The following NEDD8 variants were observed in gnomAD, a reference collection of about 807,000 sequenced individuals.
NEDD8 encodes the protein NEDD8 ubiquitin like modifier.
NEDD8 carries 1 observed loss-of-function variant against 13.8 expected under a neutral mutation model. The ratio of observed to expected loss-of-function variants is 0.07; its 90% confidence interval spans 0.03 to 0.34. The LOEUF (loss-of-function observed/expected upper bound fraction) is 0.34. NEDD8 is among the 10% of genes least tolerant of loss of function. The pLI, the probability that NEDD8 is intolerant of heterozygous loss-of-function variation, is 0.99. For missense variants in NEDD8, 10 were observed against 95.2 expected (o/e 0.10, Z 3.73); for synonymous variants, 31 against 33.2 (o/e 0.93, Z 0.23).
Position 24,216,862 on chromosome 14 carries a change from G to A in NEDD8, c.*265C>T, listed in dbSNP as rs1474732666. ...CTTGTGCAACAGAAGAAAGATTCCA[G>A]GAGGCCAGGAAATATTTTATTGACA... On this transcript the variant is annotated 3_prime_UTR_variant, in exon 4 of 4. Transcript: ENST00000250495. 7.3e-6 allele frequency: 3 copies of A among 411,750 alleles called. No individual in the cohort carries two copies. The highest frequency in any genetic ancestry group is 1.3e-5 in the Non-Finnish European group (3 of 226,434). 25.5% of individuals were successfully genotyped at this position (411,750 alleles called of 1,614,324 possible). A position where few individuals can be genotyped will look rare whatever the true frequency, so the allele number is the denominator to read the frequency against.
At chr14:24,225,559 T>C (rs1295008388) in intron 1 of NEDD8, among the ~76,000 whole-genome samples, 1 of 152,234 alleles carries the variant, frequency 6.6e-6, no homozygotes, top group African/African-American at 2.4e-5. Flanking sequence ...TTAAATTAAA[T>C]AAGATTGGCT....
rs1278220694 is a variant in NEDD8 at position 24,217,351 on chromosome 14, A to T, written c.150-128T>A. ...GTCATCTAGGCTGGAGTACAGTGGC[A>T]CGATCTCAGCTCACTGCAACTTCCA... On this transcript the variant is annotated intron_variant, in intron 3 of 3. Transcript: ENST00000250495. 7 of 723,288 alleles carry T rather than the reference A, an allele frequency of 9.7e-6. No homozygotes were observed. In the East Asian group the frequency reaches 1.7e-4, roughly 17 times the overall value. 44.8% of individuals were successfully genotyped at this position (723,288 alleles called of 1,614,324 possible).
intron 1 of NEDD8, among the ~76,000 whole-genome samples, chr14:24,223,085 CAAAAAA>C (rs71426836): frequency 0.021 from 1,552 of 75,618 alleles, 26 homozygotes; most frequent in African/African-American, 0.069. Context: ...GACTGCATTT[CAAAAAA>C]AAAAAAAAAA....
chr14:24,220,731 T>C (rs189590838), intron 1 of NEDD8, among the ~76,000 whole-genome samples: 237 of 152,270 alleles, frequency 1.6e-3, no homozygotes, highest in Non-Finnish European at 1.1e-3. Flanking sequence ...ATTTTATAGA[T>C]GAGAAAAATA....
intron 1 of NEDD8, among the ~76,000 whole-genome samples, chr14:24,226,039 C>CAA (rs1228074409): frequency 5.7e-5 from 6 of 105,864 alleles, no homozygotes; most frequent in East Asian, 2.5e-4. Context: ...ACTCCATCTC[C>CAA]AAAAAAAAAA....
At chr14:24,226,400 C>A (rs576240476) in intron 1 of NEDD8, among the ~76,000 whole-genome samples, 8 of 146,402 alleles carry the variant, frequency 5.5e-5, no homozygotes, top group African/African-American at 2.0e-4. Flanking sequence ...GAGCCGAGAT[C>A]GTGCCACCGC....
intron 1 of NEDD8, chr14:24,226,688 T>C (rs1204124137): frequency 6.6e-6 from 1 of 152,150 alleles, no homozygotes; most frequent in African/African-American, 2.4e-5. Flanking sequence ...AGCATTTTTA[T>C]GGTGCTACAA....
chr14:24,223,707 C>T (rs2039844146), intron 1 of NEDD8, among the ~76,000 whole-genome samples: 2 of 150,532 alleles, frequency 1.3e-5, no homozygotes, highest in South Asian at 4.2e-4. Context: ...CACCACCATG[C>T]CTGGCTAATT....
intron 3 of NEDD8, 68 bp from the exon 4 acceptor site, chr14:24,217,291 TG>T: frequency 7.6e-7 from 1 of 1,309,932 alleles, no homozygotes; most frequent in Non-Finnish European, 1.1e-6. Context: ...TTGTTGTTGT[TG>T]TTGTTGTTGT....
chr14:24,229,722 T>C (rs1385034675), intron 1 of NEDD8, among the ~76,000 whole-genome samples: 1 of 152,166 alleles, frequency 6.6e-6, no homozygotes, highest in Non-Finnish European at 1.5e-5. Context: ...TTAGCATTAG[T>C]AACTTAACTT....
intron 1 of NEDD8, chr14:24,228,140 T>C (rs1566669142): frequency 6.6e-6 from 1 of 151,812 alleles, no homozygotes. Flanking sequence ...ATGCCTGTAA[T>C]CCCAGCACTT....
At chr14:24,224,506 T>A (rs2138895467) in intron 1 of NEDD8, among the ~76,000 whole-genome samples, 1 of 152,338 alleles carries the variant, frequency 6.6e-6, no homozygotes, top group South Asian at 2.1e-4. Context: ...AAGTTTCAGT[T>A]TTTAAATTTA....
chr14:24,225,382 T>C (rs1350447064), intron 1 of NEDD8, among the ~76,000 whole-genome samples: 1 of 152,108 alleles, frequency 6.6e-6, no homozygotes, highest in Non-Finnish European at 1.5e-5. Flanking sequence ...GACAATAGGG[T>C]AATTTGATGA....
Position 24,218,000 on chromosome 14 carries a change from G to C in NEDD8, c.149+133C>G, listed in dbSNP as rs1000408551. 6 of 1,065,440 alleles carry C rather than the reference G, an allele frequency of 5.6e-6. No individual in the cohort carries two copies. The African/African-American group carries it at 6.3e-5, about 11-fold the overall frequency. The allele number at this position is 1,065,440 out of a possible 1,614,324, so 66.0% of individuals were successfully genotyped here. Reference sequence around the variant, plus strand: ...TCTTATTCTGAGAAGGGGCTTAGAGGCTTCACCAGATTGCCAAAGAGTCTT... The same window carrying C: ...TCTTATTCTGAGAAGGGGCTTAGAGCCTTCACCAGATTGCCAAAGAGTCTT... On this transcript the variant is annotated intron_variant, in intron 3 of 3. Coordinates refer to ENST00000250495, the MANE Select transcript of NEDD8 (RefSeq NM_006156.3).
chr14:24,225,017 G>C (rs2039866694), intron 1 of NEDD8, among the ~76,000 whole-genome samples: 2 of 151,982 alleles, frequency 1.3e-5, no homozygotes, highest in African/African-American at 4.8e-5. Flanking sequence ...AAATTAGTCA[G>C]GCATGGTGGC....
chr14:24,232,112 AC>A lies in NEDD8; in HGVS notation c.18+137del, dbSNP rs1308098138. The A allele has an allele frequency of 2.9e-5, 40 of 1,377,914 alleles. No homozygotes were observed. In the East Asian group the frequency reaches 6.9e-4, roughly 24 times the overall value. 85.4% of individuals were successfully genotyped at this position (1,377,914 alleles called of 1,614,324 possible). On this transcript the variant is annotated intron_variant, in intron 1 of 3. Coordinates refer to ENST00000250495, the MANE Select transcript of NEDD8 (RefSeq NM_006156.3). Reference sequence around the variant, plus strand: ...CTTCTGGGTCCCCCTATTTCCCACCACCCCTCGCGCGGAGCCCTGAGGCAGT... The same window carrying A: ...CTTCTGGGTCCCCCTATTTCCCACCACCCTCGCGCGGAGCCCTGAGGCAGT...
chr14:24,217,012 C>T lies in NEDD8; in HGVS notation c.*115G>A, dbSNP rs2039713675. 1.2e-6 allele frequency: 1 copy of T among 804,594 alleles called. No homozygotes were observed. 49.8% of individuals were successfully genotyped at this position (804,594 alleles called of 1,614,324 possible). On this transcript the variant is annotated 3_prime_UTR_variant, in exon 4 of 4. Coordinates refer to ENST00000250495, the MANE Select transcript of NEDD8 (RefSeq NM_006156.3). ...ATCCTCACAGTCTCCCACCAGTAGA[C>T]ATACATTACTGGGCATCCAGGGGAG... is the stretch of plus-strand genomic sequence containing the variant.
At position 24,218,731 on chromosome 14, in the gene NEDD8, TAC is replaced by T. The variant is rs2039750433; in HGVS notation, c.19-302_19-301del. The T allele has an allele frequency of 1.1e-5, 5 of 466,354 alleles. No homozygotes were observed. In the East Asian group the frequency reaches 1.9e-4, roughly 18 times the overall value. The allele number at this position is 466,354 out of a possible 1,614,324, so 28.9% of individuals were successfully genotyped here. A position where few individuals can be genotyped will look rare whatever the true frequency, so the allele number is the denominator to read the frequency against. Reference sequence around the variant, plus strand: ...AGAATATTGGCATTATTTTAGATGATACGGCAATGAAAGGATTTATTTATTTA... The same window carrying T: ...AGAATATTGGCATTATTTTAGATGATGGCAATGAAAGGATTTATTTATTTA... On this transcript the variant is annotated intron_variant, in intron 1 of 3. Coordinates refer to ENST00000250495, the MANE Select transcript of NEDD8 (RefSeq NM_006156.3).
intron 1 of NEDD8, among the ~76,000 whole-genome samples, chr14:24,225,019 C>T (rs1207186020): frequency 6.6e-6 from 1 of 151,864 alleles, no homozygotes; most frequent in Admixed American, 6.6e-5. Context: ...ATTAGTCAGG[C>T]ATGGTGGCGC....
Sources: allele counts gnomAD v4.1 joint callset (sites outside exome capture counted in the v4.1 genomes callset), GRCh38; gene constraint gnomAD v4.1.1; transcripts MANE v1.5; gene names NCBI Gene and HGNC (gene_info 2026-07-23, HGNC 2026-07-21).